TSNARE1: variants seen among roughly 807,000 people sequenced by gnomAD.
TSNARE1 encodes the protein t-SNARE domain containing 1, also known as t-SNARE domain-containing protein 1.
In TSNARE1, 49 loss-of-function variants were observed where a neutral mutation model predicts 62.0. That is an observed-to-expected ratio of 0.79 (90% CI 0.63 to 1.00). The LOEUF is 1.00. Ranked by LOEUF, TSNARE1 falls within the 50% of genes least tolerant of loss-of-function variation. The pLI is 0.00. For synonymous variants in TSNARE1, 328 were observed against 294.4 expected (o/e 1.11, Z -1.17); for missense variants, 755 against 700.1 (o/e 1.08, Z -0.88).
intron 1 of TSNARE1, among the ~76,000 whole-genome samples, chr8:142,367,862 G>A (rs1044042163): frequency 3.9e-5 from 6 of 152,132 alleles, no homozygotes; most frequent in African/African-American, 1.4e-4. Flanking sequence ...TTCATAAATG[G>A]TGCTGAGACA....
intron 10 of TSNARE1, among the ~76,000 whole-genome samples, chr8:142,298,985 C>T (rs1046986190): frequency 2.0e-5 from 3 of 152,336 alleles, no homozygotes; most frequent in Admixed American, 6.5e-5. Flanking sequence ...TCAGCAGCAG[C>T]AAAGGGCTCG....
rs112920058 is a variant in TSNARE1, at chr8:142,331,694, C to T, written c.823+60G>A. On this transcript the variant is annotated intron_variant, in intron 5 of 13. Coordinates refer to ENST00000524325, the MANE Select transcript of TSNARE1 (RefSeq NM_145003.5). ...CATCCAGCACCCTCGCCTCCAATGT[C>T]GCATCAGTGGTCCAGGGTGCCTGGA... is the stretch of plus-strand genomic sequence containing the variant. The T allele has an allele frequency of 6.1e-4, 915 of 1,495,178 alleles. 6 individuals carry two copies. The East Asian group carries it at 8.5e-3, about 14-fold the overall frequency. 92.6% of individuals were successfully genotyped at this position (1,495,178 alleles called of 1,614,324 possible).
At chr8:142,226,308 G>A (rs1232608789) in intron 13 of TSNARE1, among the ~76,000 whole-genome samples, 2 of 152,148 alleles carry the variant, frequency 1.3e-5, no homozygotes, top group African/African-American at 4.8e-5. Flanking sequence ...CCGGGCACAC[G>A]CATGGGCTTG....
intron 11 of TSNARE1, chr8:142,275,145 G>A (rs1306530439): frequency 2.0e-6 from 2 of 985,346 alleles, no homozygotes; most frequent in African/African-American, 1.7e-5. Context: ...AGGAAAGGGT[G>A]GGAGTGGCAG....
intron 1 of TSNARE1, among the ~76,000 whole-genome samples, chr8:142,392,965 A>G (rs1837646347): frequency 6.6e-6 from 1 of 151,986 alleles, no homozygotes; most frequent in South Asian, 2.1e-4. Flanking sequence ...AAAAAAAAGA[A>G]AGAAAGAAAC....
At chr8:142,400,787 G>A (rs763509632) in intron 1 of TSNARE1, among the ~76,000 whole-genome samples, 1 of 152,200 alleles carries the variant, frequency 6.6e-6, no homozygotes, top group East Asian at 1.9e-4. Context: ...AACAAATGAC[G>A]TCCTAGAACC....
chr8:142,300,985 C>T (rs1825654838), intron 9 of TSNARE1, among the ~76,000 whole-genome samples: 1 of 81,376 alleles, frequency 1.2e-5, no homozygotes, highest in Non-Finnish European at 2.6e-5. Flanking sequence ...GCTGCGGCCG[C>T]CCCCTCCAGG....
intron 13 of TSNARE1, among the ~76,000 whole-genome samples, chr8:142,219,785 C>T (rs1816120616): frequency 6.6e-6 from 1 of 152,238 alleles, no homozygotes; most frequent in South Asian, 2.1e-4. Context: ...CCCCTCCAGG[C>T]CTCAGCCGTC....
At chr8:142,255,430 ACCAC>A (rs1818385387) in intron 12 of TSNARE1, among the ~76,000 whole-genome samples, 1 of 101,974 alleles carries the variant, frequency 9.8e-6, no homozygotes, top group East Asian at 2.8e-4. Context: ...CACCACCACC[ACCAC>A]TGTCACCATC....
intron 1 of TSNARE1, among the ~76,000 whole-genome samples, chr8:142,386,922 T>G (rs533236455): frequency 6.6e-6 from 1 of 152,288 alleles, no homozygotes; most frequent in African/African-American, 2.4e-5. Context: ...TAAGTAAGGA[T>G]TATACATGAC....
At chr8:142,229,700 G>A (rs1217274285) in intron 12 of TSNARE1, 121 bp from the exon 13 acceptor site, 2 of 762,788 alleles carry the variant, frequency 2.6e-6, no homozygotes, top group Non-Finnish European at 4.4e-6. Context: ...CCTGGGGCAG[G>A]GTCCAGAGAG....
chr8:142,352,607 C>T (rs998385340), intron 2 of TSNARE1, among the ~76,000 whole-genome samples: 1 of 152,252 alleles, frequency 6.6e-6, no homozygotes, highest in Non-Finnish European at 1.5e-5. Flanking sequence ...AGCGCGGAAT[C>T]GAAGGAGCCA....
At chr8:142,284,262 G>A in intron 11 of TSNARE1, 151 bp downstream of exon 11, 2 of 635,768 alleles carry the variant, frequency 3.1e-6, no homozygotes, top group South Asian at 3.7e-5. Flanking sequence ...GGCAGGAGGG[G>A]AGGGAGCAGA....
chr8:142,250,901 G>C (rs539409692), intron 12 of TSNARE1, among the ~76,000 whole-genome samples: 162 of 152,336 alleles, frequency 1.1e-3, no homozygotes, highest in Admixed American at 4.1e-3. Flanking sequence ...CTCTCGGAGA[G>C]GGATGAGCAT....
At chr8:142,299,757 C>T (rs745512795) in intron 10 of TSNARE1, among the ~76,000 whole-genome samples, 1 of 152,232 alleles carries the variant, frequency 6.6e-6, no homozygotes, top group Non-Finnish European at 1.5e-5. Context: ...CACATGCATA[C>T]GTGCATGCAC....
At position 142,344,271 on chromosome 8, in the gene TSNARE1, A is replaced by G. The variant is rs1471512748; in HGVS notation, c.440T>C (p.Leu147Pro). 4.4e-6 allele frequency: 7 copies of G among 1,606,514 alleles called. No individual in the cohort carries two copies. Among genetic ancestry groups the G allele is most frequent in the East Asian group, 4.5e-5 (2 of 44,658 alleles). Reference sequence around the variant, plus strand: ...GGCCTTCAGCAGCCCCGTGCCAAACAGCAGCTGGTGGTGCTTGCTCACCTT... The same window carrying G: ...GGCCTTCAGCAGCCCCGTGCCAAACGGCAGCTGGTGGTGCTTGCTCACCTT... ...VSKVSKHHQL[L>P]FGTGLLKAEP... The change falls in exon 4 of 14, where the codon CTG becomes CCG. Residue 147 changes from leucine (L) to proline (P), a missense_variant. Coordinates refer to ENST00000524325, the MANE Select transcript of TSNARE1 (RefSeq NM_145003.5).
At chr8:142,337,391 A>G (rs567848460) in intron 4 of TSNARE1, among the ~76,000 whole-genome samples, 2 of 152,378 alleles carry the variant, frequency 1.3e-5, no homozygotes, top group African/African-American at 4.8e-5. Flanking sequence ...AGAAATGCTC[A>G]CAGCCTCTTT....
rs185954174 is a variant in TSNARE1 at position 142,343,366 on chromosome 8, A to C, written c.745+600T>G. Among the ~76,000 whole-genome samples the C allele has an allele frequency of 1.1e-4, 16 of 152,080 alleles. No homozygotes were observed. In the East Asian group the frequency reaches 2.5e-3, roughly 24 times the overall value. On this transcript the variant is annotated intron_variant, in intron 4 of 13. Coordinates refer to ENST00000524325, the MANE Select transcript of TSNARE1 (RefSeq NM_145003.5). The stretch of plus-strand genomic sequence containing the variant: ...CAGCTTTTTCTTTCATGAGTAGCAC[A>C]AGACGCAGCAGGAGGAACATGAGCA...
chr8:142,402,205 C>T (rs1214077962), intron 1 of TSNARE1, among the ~76,000 whole-genome samples: 2 of 152,180 alleles, frequency 1.3e-5, no homozygotes, highest in Middle Eastern at 6.8e-3. Flanking sequence ...GGATGAGGGG[C>T]GGAGAAGCAC....
Sources: gnomAD v4.1 joint callset for allele counts (sites outside exome capture counted in the v4.1 genomes callset) on GRCh38, gnomAD v4.1.1 for gene constraint, MANE v1.5 for transcripts, NCBI Gene and HGNC (gene_info 2026-07-23, HGNC 2026-07-21) for gene names.